The following SCMH1 variants were observed in gnomAD, a reference collection of about 807,000 sequenced individuals.
SCMH1 encodes polycomb protein SCMH1.
SCMH1 carries 37 observed loss-of-function variants against 70.8 expected under a neutral mutation model. The ratio of observed to expected loss-of-function variants is 0.52; its 90% CI spans 0.40 to 0.69. The LOEUF is 0.69. Among genes scored for constraint, SCMH1 ranks in the 30% least tolerant of loss-of-function variants. SCMH1 has a pLI of 0.00. For synonymous variants in SCMH1, 292 were observed against 307.4 expected (o/e 0.95, Z 0.52); for missense variants, 607 against 827.3 (o/e 0.73, Z 3.27).
intron 1 of SCMH1, among the ~76,000 whole-genome samples, chr1:41,203,381 C>T (rs1176609420): frequency 1.3e-5 from 2 of 152,066 alleles, no homozygotes; most frequent in Non-Finnish European, 2.9e-5. Flanking sequence ...ATAAAAAATT[C>T]ATTACATCCA....
intron 13 of SCMH1, among the ~76,000 whole-genome samples, chr1:41,030,345 G>A (rs1056519418): frequency 6.6e-6 from 1 of 152,156 alleles, no homozygotes; most frequent in South Asian, 2.1e-4. Flanking sequence ...CAGCATCTAT[G>A]AGGTACTCCA....
chr1:41,139,042 T>C (rs1438018560), intron 6 of SCMH1, among the ~76,000 whole-genome samples: 1 of 152,206 alleles, frequency 6.6e-6, no homozygotes, highest in Admixed American at 6.5e-5. Flanking sequence ...GTATGCCTTT[T>C]ATTCTGTATA....
chr1:41,236,785 G>A (rs1662477585), intron 1 of SCMH1, among the ~76,000 whole-genome samples: 1 of 152,166 alleles, frequency 6.6e-6, no homozygotes, highest in Admixed American at 6.5e-5. Context: ...TTATACTATT[G>A]TTTAGGGAAT....
intron 6 of SCMH1, among the ~76,000 whole-genome samples, chr1:41,129,265 T>C (rs1040784389): frequency 1.3e-5 from 2 of 152,146 alleles, no homozygotes; most frequent in Non-Finnish European, 2.9e-5. Context: ...ATTAAGTCCA[T>C]TCACATTATT....
At chr1:41,027,567 C>G (rs1435872041) in exon 15 of SCMH1, 1 of 152,256 alleles carries the variant, frequency 6.6e-6, no homozygotes, top group East Asian at 1.9e-4. Flanking sequence ...ATGGGTCTCT[C>G]CACCTCAAAG....
chr1:41,101,098 G>A (rs1666513099), intron 8 of SCMH1, among the ~76,000 whole-genome samples: 1 of 151,710 alleles, frequency 6.6e-6, no homozygotes, highest in Non-Finnish European at 1.5e-5. Flanking sequence ...AAATAGCGGG[G>A]AAAAAAAGAC....
At chr1:41,047,456 G>A (rs1470984284) in intron 11 of SCMH1, among the ~76,000 whole-genome samples, 6 of 149,694 alleles carry the variant, frequency 4.0e-5, no homozygotes, top group Non-Finnish European at 1.5e-5. Flanking sequence ...GGGTGCAATG[G>A]CACGATCTCA....
chr1:41,081,286 C>G (rs1659937338), intron 8 of SCMH1, among the ~76,000 whole-genome samples: 1 of 152,182 alleles, frequency 6.6e-6, no homozygotes, highest in Non-Finnish European at 1.5e-5. Context: ...GAAAGCATCA[C>G]CACTGTTAGG....
chr1:41,187,824 A>T (rs1030248823), intron 1 of SCMH1, among the ~76,000 whole-genome samples: 2 of 151,670 alleles, frequency 1.3e-5, no homozygotes, highest in Non-Finnish European at 2.9e-5. Context: ...AAAAAAAAAA[A>T]AAATATAAAA....
chr1:41,204,262 A>C (rs1426663322), intron 1 of SCMH1, among the ~76,000 whole-genome samples: 1 of 152,198 alleles, frequency 6.6e-6, no homozygotes, highest in Non-Finnish European at 1.5e-5. Context: ...TTAGCAGCAA[A>C]TGCAATCTTT....
At chr1:41,057,102 C>T (rs1650606731) in intron 10 of SCMH1, among the ~76,000 whole-genome samples, 1 of 152,092 alleles carries the variant, frequency 6.6e-6, no homozygotes, top group Admixed American at 6.6e-5. Flanking sequence ...TCTATCCAAC[C>T]CAAAGAGGTG....
At chr1:41,208,234 C>A (rs1656045314) in intron 1 of SCMH1, among the ~76,000 whole-genome samples, 1 of 109,404 alleles carries the variant, frequency 9.1e-6, no homozygotes, top group Admixed American at 9.7e-5. Flanking sequence ...AATGAGATCA[C>A]ATGGACACAG....
intron 10 of SCMH1, among the ~76,000 whole-genome samples, chr1:41,069,576 G>C (rs767544703): frequency 4.6e-5 from 7 of 152,156 alleles, no homozygotes; most frequent in African/African-American, 9.7e-5. Context: ...GTAGGTAAAA[G>C]ATAAATGTGG....
chr1:41,209,928 G>C (rs1338142373), intron 1 of SCMH1, among the ~76,000 whole-genome samples: 9 of 152,212 alleles, frequency 5.9e-5, no homozygotes, highest in Non-Finnish European at 1.2e-4. Context: ...AATTGTCCCT[G>C]TTTGCAGATG....
intron 6 of SCMH1, among the ~76,000 whole-genome samples, chr1:41,120,495 A>G (rs1165282171): frequency 6.6e-6 from 1 of 152,152 alleles, no homozygotes; most frequent in African/African-American, 2.4e-5. Context: ...TGGATACCAA[A>G]CTTTGTGGTT....
At chr1:41,126,326 TTTGA>T (rs1217198467) in intron 6 of SCMH1, among the ~76,000 whole-genome samples, 1 of 152,198 alleles carries the variant, frequency 6.6e-6, no homozygotes. Context: ...ATTACATCCA[TTTGA>T]TTCAGTTTTG....
At chr1:41,238,816 A>T (rs1174257631) in intron 1 of SCMH1, among the ~76,000 whole-genome samples, 1 of 152,106 alleles carries the variant, frequency 6.6e-6, no homozygotes, top group East Asian at 1.9e-4. Flanking sequence ...TTCTCAGCTT[A>T]CTTCCACTAT....
At chr1:41,185,191 T>C (rs949940867) in intron 2 of SCMH1, among the ~76,000 whole-genome samples, 4 of 152,206 alleles carry the variant, frequency 2.6e-5, no homozygotes, top group Non-Finnish European at 4.4e-5. Context: ...GAAAAATTCA[T>C]TGACTACCTA....
chr1:41,197,339 A>G (rs779137036), intron 1 of SCMH1, among the ~76,000 whole-genome samples: 2 of 152,192 alleles, frequency 1.3e-5, no homozygotes, highest in African/African-American at 4.8e-5. Context: ...TGGTATACAC[A>G]TACAATGGAA....
Sources: gnomAD v4.1 joint callset for allele counts (sites outside exome capture counted in the v4.1 genomes callset) on GRCh38, gnomAD v4.1.1 for gene constraint, MANE v1.5 for transcripts, NCBI Gene and HGNC (gene_info 2026-07-23, HGNC 2026-07-21) for gene names.